Variants in CTNND2 observed in about 807,000 individuals in gnomAD.
CTNND2 encodes the protein catenin delta-2.
A neutral mutation model predicts 144.4 loss-of-function variants in CTNND2; 22 were observed. The ratio of observed to expected loss-of-function variants is 0.15; its 90% CI spans 0.11 to 0.22. The LOEUF is 0.22. CTNND2 is among the 10% of genes least tolerant of loss of function. CTNND2 has a pLI of 1.00. For missense variants in CTNND2, 1,353 were observed against 1,618.8 expected, an observed-to-expected ratio of 0.84 and a Z score of 2.82; for synonymous variants, 751 against 695.6, an observed-to-expected ratio of 1.08 and a Z score of -1.25.
At chr5:11,690,397 G>C (rs781499971) in intron 2 of CTNND2, among the ~76,000 whole-genome samples, 2 of 152,150 alleles carry the variant, frequency 1.3e-5, no homozygotes, top group African/African-American at 4.8e-5. Flanking sequence ...GTAACACAGC[G>C]AAGTGAAGCA....
intron 11 of CTNND2, among the ~76,000 whole-genome samples, chr5:11,180,044 A>G (rs574105105): frequency 6.6e-6 from 1 of 152,280 alleles, no homozygotes; most frequent in East Asian, 1.9e-4. Flanking sequence ...CAGGGTTGAT[A>G]TGGTTTGCTC....
At chr5:11,135,827 G>A (rs372903230) in intron 12 of CTNND2, among the ~76,000 whole-genome samples, 1 of 152,288 alleles carries the variant, frequency 6.6e-6, no homozygotes, top group Admixed American at 6.5e-5. Context: ...AGTGGGCTGT[G>A]GGTTACATGA....
intron 8 of CTNND2, among the ~76,000 whole-genome samples, chr5:11,356,929 AT>A (rs1755947332): frequency 6.6e-6 from 1 of 152,090 alleles, no homozygotes; most frequent in Non-Finnish European, 1.5e-5. Context: ...TATAAAAAAA[AT>A]GCTAAACATA....
intron 2 of CTNND2, among the ~76,000 whole-genome samples, chr5:11,715,402 G>T (rs2126703966): frequency 6.6e-6 from 1 of 152,294 alleles, no homozygotes; most frequent in Middle Eastern, 3.4e-3. Flanking sequence ...CATTCCTTCT[G>T]AGTGAATCCA....
intron 9 of CTNND2, among the ~76,000 whole-genome samples, chr5:11,245,904 T>C (rs993398991): frequency 6.6e-6 from 1 of 152,216 alleles, no homozygotes; most frequent in African/African-American, 2.4e-5. Flanking sequence ...ACTCTTCCAT[T>C]GATTTACTCT....
chr5:11,545,594 C>T (rs1489369246), intron 3 of CTNND2, among the ~76,000 whole-genome samples: 3 of 127,248 alleles, frequency 2.4e-5, no homozygotes, highest in Non-Finnish European at 3.1e-5. Context: ...ACCCAGGAGG[C>T]AAAGGATACA....
chr5:11,550,487 G>C (rs767956193), intron 3 of CTNND2, among the ~76,000 whole-genome samples: 63 of 152,354 alleles, frequency 4.1e-4, no homozygotes, highest in African/African-American at 1.3e-3. Context: ...TTCGAGGAAA[G>C]TTGGCAGTCA....
intron 1 of CTNND2, among the ~76,000 whole-genome samples, chr5:11,809,898 G>C (rs560544514): frequency 1.3e-5 from 2 of 152,152 alleles, no homozygotes; most frequent in African/African-American, 4.8e-5. Context: ...GTTCTCAATG[G>C]AAGAGCAGAA....
chr5:11,300,675 T>C (rs1199180695), intron 9 of CTNND2, among the ~76,000 whole-genome samples: 5 of 152,134 alleles, frequency 3.3e-5, no homozygotes, highest in African/African-American at 1.2e-4. Context: ...TTGGAACTTA[T>C]ATACTTATAC....
intron 21 of CTNND2, among the ~76,000 whole-genome samples, chr5:10,974,390 T>C (rs1736190296): frequency 6.6e-6 from 1 of 152,234 alleles, no homozygotes; most frequent in Non-Finnish European, 1.5e-5. Flanking sequence ...CATGATTGTA[T>C]ATATATAAGA....
intron 1 of CTNND2, among the ~76,000 whole-genome samples, chr5:11,746,220 G>A (rs561843751): frequency 6.6e-6 from 1 of 152,202 alleles, no homozygotes; most frequent in South Asian, 2.1e-4. Flanking sequence ...TTCTCTTCCT[G>A]CGTGTGCCAA....
chr5:11,648,687 G>T (rs369955306), intron 2 of CTNND2, among the ~76,000 whole-genome samples: 6 of 151,800 alleles, frequency 4.0e-5, no homozygotes, highest in African/African-American at 1.5e-4. Context: ...TTTCAACTCT[G>T]TAACTAGCAA....
At chr5:11,853,814 G>A (rs1237658358) in intron 1 of CTNND2, among the ~76,000 whole-genome samples, 1 of 152,182 alleles carries the variant, frequency 6.6e-6, no homozygotes, top group African/African-American at 2.4e-5. Context: ...TTCTGGATAG[G>A]TACAGCGTTT....
At chr5:11,488,313 A>G (rs1162538339) in intron 3 of CTNND2, among the ~76,000 whole-genome samples, 2 of 152,214 alleles carry the variant, frequency 1.3e-5, no homozygotes, top group East Asian at 3.8e-4. Flanking sequence ...ACTAAAATAT[A>G]TAATTGTTGA....
intron 11 of CTNND2, among the ~76,000 whole-genome samples, chr5:11,180,636 T>A (rs555539790): frequency 6.6e-6 from 1 of 152,094 alleles, no homozygotes; most frequent in East Asian, 1.9e-4. Flanking sequence ...GGATGTAGAG[T>A]GAAGAAGGAC....
At chr5:11,011,180 A>G (rs1008245630) in intron 18 of CTNND2, among the ~76,000 whole-genome samples, 2 of 152,102 alleles carry the variant, frequency 1.3e-5, no homozygotes, top group Non-Finnish European at 2.9e-5. Context: ...CTGTGATTTG[A>G]TCCATACGCT....
At chr5:11,662,215 A>G (rs199884459) in intron 2 of CTNND2, among the ~76,000 whole-genome samples, 110 of 102,220 alleles carry the variant, frequency 1.1e-3, no homozygotes, top group African/African-American at 4.5e-3. Flanking sequence ...GTATATATAT[A>G]CATATATGTG....
chr5:11,598,403 G>T (rs1254454422), intron 2 of CTNND2, among the ~76,000 whole-genome samples: 2 of 152,046 alleles, frequency 1.3e-5, no homozygotes, highest in Non-Finnish European at 2.9e-5. Flanking sequence ...AGGACTCCAG[G>T]GGGGTCTCCT....
Position 11,724,191 on chromosome 5 carries a change from T to C in CTNND2, c.174+7945A>G, listed in dbSNP as rs1038811736. Reference sequence around the variant, plus strand: ...ACTATTGAAAGGTTTTCAATGTCAGTAAACAAACCAGTAAAGCTCCTAGTA... The same window carrying C: ...ACTATTGAAAGGTTTTCAATGTCAGCAAACAAACCAGTAAAGCTCCTAGTA... On this transcript the variant is annotated intron_variant, in intron 2 of 21. Coordinates refer to ENST00000304623, the MANE Select transcript of CTNND2 (RefSeq NM_001332.4). Among the ~76,000 whole-genome samples the C allele has an allele frequency of 5.9e-5, 9 of 152,340 alleles. No individual in the cohort carries two copies. In the South Asian group the frequency reaches 8.3e-4, roughly 14 times the overall value.
Sources: allele counts gnomAD v4.1 joint callset (sites outside exome capture counted in the v4.1 genomes callset), GRCh38; gene constraint gnomAD v4.1.1; transcripts MANE v1.5; gene names NCBI Gene and HGNC (gene_info 2026-07-23, HGNC 2026-07-21).